SLC4A1AP: variants seen among roughly 807,000 people sequenced by gnomAD.
The protein encoded by SLC4A1AP is kanadaptin.
A neutral mutation model predicts 89.7 loss-of-function variants in SLC4A1AP; 64 were observed. That is an observed-to-expected ratio of 0.71 (90% CI 0.58 to 0.88). The LOEUF is 0.88. Among genes scored for constraint, SLC4A1AP ranks in the 40% least tolerant of loss-of-function variants. The pLI, the probability that SLC4A1AP is intolerant of heterozygous loss-of-function variation, is 0.00. For synonymous variants in SLC4A1AP, 366 were observed against 353.3 expected, an observed-to-expected ratio of 1.04 and a Z score of -0.40; for missense variants, 931 against 965.0, an observed-to-expected ratio of 0.96 and a Z score of 0.47.
rs912764919 is a variant in SLC4A1AP, at chr2:27,668,636, G to T, written c.1145-207G>T. ...GGCTAATTTCTGTATTTTTTGTACA[G>T]ATGGGGTTTTGCCATGTTGCACAGA... On this transcript the variant is annotated intron_variant, in intron 3 of 13. Transcript: ENST00000613058. 5 of 690,054 alleles carry T rather than the reference G, an allele frequency of 7.2e-6. No homozygotes were observed. In the East Asian group the frequency reaches 1.4e-4, roughly 19 times the overall value. The allele number at this position is 690,054 out of a possible 1,614,324, so 42.7% of individuals were successfully genotyped here.
intron 4 of SLC4A1AP, 73 bp from the exon 5 acceptor site, chr2:27,669,175 T>G (rs1675381205): frequency 6.8e-7 from 1 of 1,473,806 alleles, no homozygotes; most frequent in Non-Finnish European, 9.1e-7. Flanking sequence ...ATGACTATTA[T>G]CATAGCATAG....
chr2:27,683,766 C>G (rs1572995076), intron 9 of SLC4A1AP, among the ~76,000 whole-genome samples: 2 of 152,080 alleles, frequency 1.3e-5, no homozygotes, highest in South Asian at 4.1e-4. Context: ...GAGAGACAGT[C>G]TCACACTGTC....
In SLC4A1AP at chr2:27,682,234, T is replaced by C. The variant is rs375241417; in HGVS notation, c.1764-14T>C. 6.4e-7 allele frequency: 1 copy of C among 1,565,058 alleles called. No homozygotes were observed. Among genetic ancestry groups the C allele is most frequent in the African/African-American group, 1.4e-5 (1 of 73,508 alleles). The stretch of plus-strand genomic sequence containing the variant: ...TCCCTGGAATAGATGTGTATAATTA[T>C]TCTTTCTTCCTAGGACTGAAACTCA... On this transcript the variant is annotated splice_polypyrimidine_tract_variant and intron_variant, in intron 8 of 13. Transcript: ENST00000613058.
intron 5 of SLC4A1AP, among the ~76,000 whole-genome samples, chr2:27,672,802 C>CT (rs1261684041): frequency 6.6e-6 from 1 of 152,126 alleles, no homozygotes; most frequent in African/African-American, 2.4e-5. Context: ...TTTAAGTATC[C>CT]TTTTGGTTTT....
chr2:27,682,521 ATTC>A lies in SLC4A1AP; in HGVS notation c.1875+165_1875+167del, dbSNP rs752042952. On this transcript the variant is annotated intron_variant, in intron 9 of 13. Transcript: ENST00000613058. ...ATCTTTCCCAGAACTTGGTTCTTGG[ATTC>A]TTTTTTTTTTTTTTTTTTGGAGACA... is the stretch of plus-strand genomic sequence containing the variant. Among the ~76,000 whole-genome samples, 285 of 139,068 alleles carry A rather than the reference ATTC, an allele frequency of 2.0e-3. 11 individuals carry two copies. Among genetic ancestry groups the A allele is most frequent in the Middle Eastern group, 3.8e-3 (1 of 266 alleles). 91.2% of individuals were successfully genotyped at this position (139,068 alleles called of 152,430 possible).
chr2:27,694,598 T>C, intron 13 of SLC4A1AP, 36 bp from the exon 14 acceptor site: 1 of 1,481,982 alleles, frequency 6.7e-7, no homozygotes, highest in East Asian at 2.3e-5. Flanking sequence ...TTTGGAAGAG[T>C]AAATAATGTA....
chr2:27,693,419 C>T (rs962645847), intron 12 of SLC4A1AP: 11 of 412,768 alleles, frequency 2.7e-5, no homozygotes, highest in Admixed American at 4.2e-5. Context: ...CTGGTGCATG[C>T]CAACCTTTTG....
chr2:27,675,209 T>C (rs1487163513), intron 5 of SLC4A1AP, among the ~76,000 whole-genome samples: 2 of 152,226 alleles, frequency 1.3e-5, no homozygotes, highest in Non-Finnish European at 2.9e-5. Flanking sequence ...CATTCCATAC[T>C]GAAATTGGTA....
chr2:27,664,608 G>C, intron 1 of SLC4A1AP, 31 bp downstream of exon 1: 2 of 1,520,680 alleles, frequency 1.3e-6, no homozygotes, highest in Non-Finnish European at 1.8e-6. Flanking sequence ...TTGAAATTTC[G>C]GGTTCATTGG....
intron 8 of SLC4A1AP, 103 bp from the exon 9 acceptor site, chr2:27,682,145 A>G: frequency 1.4e-6 from 1 of 690,370 alleles, no homozygotes; most frequent in Non-Finnish European, 2.4e-6. Flanking sequence ...ATTTTGTGGT[A>G]ATTTTTATTT....
At chr2:27,674,742 A>C (rs1572991643) in intron 5 of SLC4A1AP, among the ~76,000 whole-genome samples, 4 of 122,502 alleles carry the variant, frequency 3.3e-5, no homozygotes, top group South Asian at 2.5e-4. Flanking sequence ...ATAGAGTTTC[A>C]CTCTTGTCAC....
chr2:27,668,474 G>C (rs1675369816), intron 3 of SLC4A1AP, among the ~76,000 whole-genome samples: 1 of 151,958 alleles, frequency 6.6e-6, no homozygotes, highest in Admixed American at 6.6e-5. Context: ...TTTTGAGACA[G>C]GGTCTCACTC....
At chr2:27,667,162 C>A in intron 2 of SLC4A1AP, 106 bp from the exon 3 acceptor site, 1 of 1,268,254 alleles carries the variant, frequency 7.9e-7, no homozygotes, top group Non-Finnish European at 1.1e-6. Flanking sequence ...AGCCACTGCG[C>A]CCAGCCTAAA....
chr2:27,685,269 A>C, exon 10 of SLC4A1AP: 3 of 1,607,504 alleles, frequency 1.9e-6, no homozygotes, highest in Non-Finnish European at 2.5e-6. Context: ...AAAGAAACCC[A>C]AACCCATGGT....
At chr2:27,688,725 C>A in exon 12 of SLC4A1AP, 1 of 1,603,720 alleles carries the variant, frequency 6.2e-7, no homozygotes, top group South Asian at 1.1e-5. Context: ...ATGAGAAAAG[C>A]AGAGGTGAAT....
intron 9 of SLC4A1AP, among the ~76,000 whole-genome samples, chr2:27,684,307 A>G (rs1675669469): frequency 6.6e-6 from 1 of 151,840 alleles, no homozygotes. Flanking sequence ...GCGCACCTAT[A>G]ACCCCAGCTA....
intron 9 of SLC4A1AP, among the ~76,000 whole-genome samples, chr2:27,682,941 A>G (rs1364932886): frequency 1.3e-5 from 2 of 152,206 alleles, no homozygotes; most frequent in African/African-American, 4.8e-5. Context: ...TTTCTCATGA[A>G]TGTTGCATTT....
chr2:27,677,388 T>C (rs1178283586), intron 7 of SLC4A1AP, 24 bp downstream of exon 7: 1 of 1,504,276 alleles, frequency 6.6e-7, no homozygotes, highest in South Asian at 1.1e-5. Flanking sequence ...CAAATATTTA[T>C]TAATATACCA....
intron 10 of SLC4A1AP, among the ~76,000 whole-genome samples, chr2:27,685,749 G>C (rs2148139275): frequency 6.6e-6 from 1 of 152,144 alleles, no homozygotes; most frequent in South Asian, 2.1e-4. Context: ...TTGTGTGTTT[G>C]GAACCTAGCA....
Sources: gnomAD v4.1 joint callset for allele counts (sites outside exome capture counted in the v4.1 genomes callset) on GRCh38, gnomAD v4.1.1 for gene constraint, MANE v1.5 for transcripts, NCBI Gene and HGNC (gene_info 2026-07-23, HGNC 2026-07-21) for gene names.